The following ASIC2 variants were observed in gnomAD, a reference collection of about 807,000 sequenced individuals.
ASIC2 encodes the protein acid sensing ion channel subunit 2.
In ASIC2, 25 loss-of-function variants were observed where a neutral mutation model predicts 57.3. The ratio of observed to expected loss-of-function variants is 0.44; its 90% confidence interval spans 0.32 to 0.61. The LOEUF is 0.61. Ranked by LOEUF, ASIC2 falls within the 20% of genes least tolerant of loss-of-function variation. The probability of loss-of-function intolerance (pLI) is 0.06; values close to 1 mark genes in which losing one functional copy is unlikely to be tolerated. For missense variants in ASIC2, 641 were observed against 738.1 expected, an observed-to-expected ratio of 0.87 and a Z score of 1.52; for synonymous variants, 319 against 307.5, an observed-to-expected ratio of 1.04 and a Z score of -0.39.
chr17:33,111,722 A>C (rs2092258832), intron 2 of ASIC2, 195 bp downstream of exon 2: 1 of 637,004 alleles, frequency 1.6e-6, no homozygotes, highest in Non-Finnish European at 2.4e-6. Flanking sequence ...TCCCTCTCTC[A>C]CATAGTAAAA....
chr17:34,109,850 T>C (rs1308663576), intron 1 of ASIC2, among the ~76,000 whole-genome samples: 1 of 152,154 alleles, frequency 6.6e-6, no homozygotes, highest in Non-Finnish European at 1.5e-5. Context: ...AGTCCAGGTA[T>C]TGTAACACTG....
At chr17:33,640,482 T>TCA (rs759076329) in intron 1 of ASIC2, among the ~76,000 whole-genome samples, 4 of 152,140 alleles carry the variant, frequency 2.6e-5, no homozygotes, top group Admixed American at 6.5e-5. Context: ...ACAGCCAATC[T>TCA]CACAGAGAGA....
intron 1 of ASIC2, among the ~76,000 whole-genome samples, chr17:34,057,999 C>T (rs982233918): frequency 5.9e-5 from 9 of 152,150 alleles, no homozygotes; most frequent in African/African-American, 1.9e-4. Context: ...TACTTGTGTG[C>T]GTGCACAACT....
chr17:33,196,729 G>A (rs915932611), intron 1 of ASIC2, among the ~76,000 whole-genome samples: 1 of 152,224 alleles, frequency 6.6e-6, no homozygotes, highest in Non-Finnish European at 1.5e-5. Context: ...GAGAGGAACT[G>A]TGGAAGAGGC....
chr17:34,145,172 CCA>C (rs1912384002), intron 1 of ASIC2, among the ~76,000 whole-genome samples: 1 of 152,128 alleles, frequency 6.6e-6, no homozygotes, highest in South Asian at 2.1e-4. Flanking sequence ...CACCCACTTC[CCA>C]CACTTTCTCT....
At chr17:34,122,760 G>A (rs1911663927) in intron 1 of ASIC2, among the ~76,000 whole-genome samples, 1 of 152,208 alleles carries the variant, frequency 6.6e-6, no homozygotes, top group South Asian at 2.1e-4. Flanking sequence ...CTTGTTGGAG[G>A]CAAAGACCAA....
chr17:33,337,121 AG>A, intron 1 of ASIC2, among the ~76,000 whole-genome samples: 1 of 152,244 alleles, frequency 6.6e-6, no homozygotes, highest in Middle Eastern at 3.4e-3. Context: ...AAGTGGCCCC[AG>A]GGTGCCTGCT....
intron 1 of ASIC2, among the ~76,000 whole-genome samples, chr17:33,834,824 G>A (rs971822864): frequency 1.3e-5 from 2 of 152,176 alleles, no homozygotes; most frequent in African/African-American, 4.8e-5. Flanking sequence ...GGTGTAAGAA[G>A]TTTCTGAGAG....
intron 1 of ASIC2, among the ~76,000 whole-genome samples, chr17:33,523,545 A>G (rs1437368137): frequency 6.6e-6 from 1 of 152,056 alleles, no homozygotes; most frequent in Non-Finnish European, 1.5e-5. Context: ...GGCGTGAACC[A>G]CTGTGCCCGG....
At position 34,033,551 on chromosome 17, in the gene ASIC2, C is replaced by A. The variant is rs189282019; in HGVS notation, c.555+122427G>T. Among the ~76,000 whole-genome samples the A allele has an allele frequency of 1.9e-3, 282 of 152,198 alleles. 2 individuals carry two copies. The highest frequency in any genetic ancestry group is 9.9e-4 in the Non-Finnish European group (67 of 68,004). On this transcript the variant is annotated intron_variant, in intron 1 of 9. Transcript: ENST00000359872. ...GAAGGAAATAGAGACACAAAAAACC[C>A]TTCAAAAAATTAATGAATCCGGGAG...
At chr17:33,034,729 T>A (rs2091901936) in intron 3 of ASIC2, among the ~76,000 whole-genome samples, 2 of 152,178 alleles carry the variant, frequency 1.3e-5, no homozygotes. Context: ...TGCCCCCTTT[T>A]CTCCCTCTGG....
chr17:33,357,526 C>T lies in ASIC2; in HGVS notation c.556-245459G>A, dbSNP rs111939186. On this transcript the variant is annotated intron_variant, in intron 1 of 9. Coordinates refer to the ASIC2 transcript ENST00000359872. ...TCTATATGCTTATCTTCTCCCTGGG[C>T]ACCCAGCTAGACCACCTTTCCTGCC... Among the ~76,000 whole-genome samples the T allele has an allele frequency of 6.2e-4, 94 of 152,284 alleles. 1 individual carries two copies. The highest frequency in any genetic ancestry group is 2.1e-3 in the African/African-American group (87 of 41,554).
rs569384985 is a variant in ASIC2, at chr17:34,081,463, G to C, written c.555+74515C>G. Among the ~76,000 whole-genome samples, 6 of 152,302 alleles carry C rather than the reference G, an allele frequency of 3.9e-5. No homozygotes were observed. In the South Asian group the frequency reaches 1.0e-3, roughly 26 times the overall value. ...TCCTTGGTTCTACACCAGCAATTCA[G>C]GTAGATGCCACCAGATGGTGCTGGA... On this transcript the variant is annotated intron_variant, in intron 1 of 9. Coordinates refer to the ASIC2 transcript ENST00000359872.
At chr17:33,051,323 G>A (rs776837809) in intron 3 of ASIC2, among the ~76,000 whole-genome samples, 54 of 152,158 alleles carry the variant, frequency 3.5e-4, no homozygotes, top group Middle Eastern at 3.4e-3. Flanking sequence ...TGGTCCTACC[G>A]CACACTGAAC....
chr17:33,135,727 C>A lies in ASIC2; in HGVS notation c.709-23660G>T, dbSNP rs2092364646. On this transcript the variant is annotated intron_variant, in intron 1 of 9. Coordinates refer to ENST00000225823, the MANE Select transcript of ASIC2 (RefSeq NM_183377.2). ...GGGTCTAAGGGAGCAGGGGGAGAGG[C>A]AAGGGGGGCTGGCAATCCTAGAGAC... Among the ~76,000 whole-genome samples, 4 of 152,160 alleles carry A rather than the reference C, an allele frequency of 2.6e-5. No individual in the cohort carries two copies. In the South Asian group the frequency reaches 6.2e-4, roughly 24 times the overall value.
At chr17:33,149,091 C>T (rs1362676620) in intron 1 of ASIC2, among the ~76,000 whole-genome samples, 1 of 151,506 alleles carries the variant, frequency 6.6e-6, no homozygotes, top group African/African-American at 2.4e-5. Flanking sequence ...AAGAGTCTGT[C>T]TTAAAAAAAA....
At chr17:33,827,071 T>C (rs8071461) in intron 1 of ASIC2, among the ~76,000 whole-genome samples, 123,472 of 152,064 alleles carry the variant, frequency 0.81, 50,489 homozygotes, top group African/African-American at 0.85. Context: ...TTAGAAATAG[T>C]CTGAGATTTT....
chr17:33,026,666 G>T (rs2091860306), intron 4 of ASIC2, among the ~76,000 whole-genome samples: 1 of 152,192 alleles, frequency 6.6e-6, no homozygotes, highest in Non-Finnish European at 1.5e-5. Flanking sequence ...TTGGCTAAGG[G>T]TTGGTGGGGA....
chr17:33,958,253 G>A lies in ASIC2; in HGVS notation c.555+197725C>T, dbSNP rs73276628. ...AGCTGTAAGTGGATCGACCATTCTG[G>A]AGGGGTCTGGGGTCTGGAGGATCGT... On this transcript the variant is annotated intron_variant, in intron 1 of 9. Coordinates refer to the ASIC2 transcript ENST00000359872. Among the ~76,000 whole-genome samples the A allele has an allele frequency of 2.0e-3, 312 of 152,300 alleles. 3 individuals carry two copies. The highest frequency in any genetic ancestry group is 7.2e-3 in the African/African-American group (300 of 41,564).
Sources: allele counts gnomAD v4.1 joint callset (sites outside exome capture counted in the v4.1 genomes callset), GRCh38; gene constraint gnomAD v4.1.1; transcripts MANE v1.5; gene names NCBI Gene and HGNC (gene_info 2026-07-23, HGNC 2026-07-21).